Variants in MSRB3 observed in about 807,000 individuals in gnomAD.
MSRB3 encodes methionine-R-sulfoxide reductase B3.
In MSRB3, 13 loss-of-function variants were observed where a neutral mutation model predicts 21.0. That is an observed-to-expected ratio of 0.62 (90% confidence interval 0.40 to 0.98). The LOEUF (loss-of-function observed/expected upper bound fraction) is 0.98. Ranked by LOEUF, MSRB3 falls within the 50% of genes least tolerant of loss-of-function variation. The probability of loss-of-function intolerance (pLI) is 0.00; values close to 1 mark genes in which losing one functional copy is unlikely to be tolerated. For synonymous variants in MSRB3, 87 were observed against 88.6 expected, an observed-to-expected ratio of 0.98 and a Z score of 0.10; for missense variants, 199 against 230.3, an observed-to-expected ratio of 0.86 and a Z score of 0.88.
intron 2 of MSRB3, among the ~76,000 whole-genome samples, chr12:65,312,029 A>G (rs1212936820): frequency 1.3e-5 from 2 of 151,988 alleles, no homozygotes; most frequent in African/African-American, 4.8e-5. Flanking sequence ...ATTTCTTACA[A>G]CAGTTTCCTT....
chr12:65,366,493 C>T (rs1011463283), intron 4 of MSRB3, among the ~76,000 whole-genome samples: 15 of 152,128 alleles, frequency 9.9e-5, no homozygotes, highest in African/African-American at 3.1e-4. Context: ...GCAAAAGCTT[C>T]TTGCTCATCA....
intron 2 of MSRB3, among the ~76,000 whole-genome samples, chr12:65,324,125 CAA>C (rs1201106124): frequency 1.3e-5 from 2 of 152,092 alleles, no homozygotes; most frequent in Non-Finnish European, 2.9e-5. Flanking sequence ...AGTTAGGAAA[CAA>C]TATTTATACT....
chr12:65,419,559 G>A (rs1881167171), intron 5 of MSRB3: 35 of 738,048 alleles, frequency 4.7e-5, no homozygotes, highest in South Asian at 4.7e-4. Context: ...GGGCATTGTC[G>A]ATCTGCAGAA....
intron 5 of MSRB3, among the ~76,000 whole-genome samples, chr12:65,437,990 C>A (rs1460679811): frequency 6.6e-6 from 1 of 151,898 alleles, no homozygotes; most frequent in African/African-American, 2.4e-5. Context: ...GTGAGGAGGG[C>A]AGACATTGTC....
At chr12:65,284,897 C>T (rs1481192958) in intron 1 of MSRB3, 1 of 152,266 alleles carries the variant, frequency 6.6e-6, no homozygotes, top group Non-Finnish European at 1.5e-5. Flanking sequence ...ATCATTTCCC[C>T]TCTTTCCTGC....
rs1448322532 is a variant in MSRB3 at position 65,307,111 on chromosome 12, G to A, written c.-51-1418G>A. 5.6e-6 allele frequency: 5 copies of A among 890,402 alleles called. No individual in the cohort carries two copies. In the African/African-American group the frequency reaches 9.0e-5, roughly 16 times the overall value. 55.2% of individuals were successfully genotyped at this position (890,402 alleles called of 1,614,324 possible). A position where few individuals can be genotyped will look rare whatever the true frequency, so the allele number is the denominator to read the frequency against. On this transcript the variant is annotated intron_variant, in intron 1 of 6. Transcript: ENST00000308259. The stretch of plus-strand genomic sequence containing the variant: ...ACATTTTTATTTATAGTGTTGTGAG[G>A]TATAGACCTTTGATCTTTTATTAGT...
chr12:65,311,868 G>C (rs1874007870), intron 2 of MSRB3, among the ~76,000 whole-genome samples: 1 of 152,000 alleles, frequency 6.6e-6, no homozygotes, highest in Non-Finnish European at 1.5e-5. Context: ...TCCCAGAAGA[G>C]TGATCTATTA....
At chr12:65,458,817 C>T (rs1387496846) in intron 6 of MSRB3, among the ~76,000 whole-genome samples, 2 of 152,192 alleles carry the variant, frequency 1.3e-5, no homozygotes, top group Non-Finnish European at 2.9e-5. Flanking sequence ...AAAGAATTTT[C>T]CTTGATTTAA....
chr12:65,282,317 C>CAA (rs761449447), intron 1 of MSRB3, among the ~76,000 whole-genome samples: 7 of 119,222 alleles, frequency 5.9e-5, no homozygotes, highest in Non-Finnish European at 8.9e-5. Flanking sequence ...AACTCTGTCT[C>CAA]AAAAAAAAAA....
At chr12:65,459,415 C>A (rs1391149905) in intron 6 of MSRB3, among the ~76,000 whole-genome samples, 2 of 152,256 alleles carry the variant, frequency 1.3e-5, no homozygotes, top group African/African-American at 4.8e-5. Context: ...AGACTCACAG[C>A]CCATCTCTCT....
At chr12:65,393,356 G>A (rs1976273) in intron 5 of MSRB3, among the ~76,000 whole-genome samples, 98,929 of 151,994 alleles carry the variant, frequency 0.65, 32,309 homozygotes, top group Admixed American at 0.72. Context: ...AATGCTAGCC[G>A]GGTGCAGTGG....
chr12:65,326,923 A>G lies in MSRB3; in HGVS notation c.174A>G (p.Lys58=), dbSNP rs1337783160. The G allele has an allele frequency of 3.7e-6, 6 of 1,612,758 alleles. No homozygotes were observed. The East Asian group carries it at 6.7e-5, about 18-fold the overall frequency. ...TPLQYHVTQE[K]GTESAFEGEY... is the part of the protein sequence containing the mutation. ...TGCAGTACCATGTCACTCAGGAGAAAGGGACCGAAAGGTAAGGTGAGCTTT... is the reference window on the plus strand; with the variant it reads ...TGCAGTACCATGTCACTCAGGAGAAGGGGACCGAAAGGTAAGGTGAGCTTT... The change falls in exon 3 of 7, where the codon AAA becomes AAG. Residue 58 remains lysine, a synonymous_variant. Transcript: ENST00000308259.
intron 2 of MSRB3, among the ~76,000 whole-genome samples, chr12:65,312,345 A>G (rs1874038853): frequency 6.6e-6 from 1 of 152,072 alleles, no homozygotes; most frequent in Admixed American, 6.6e-5. Flanking sequence ...TTTGAACATT[A>G]GAATTCCTTG....
rs1883485874 is a variant in MSRB3, at chr12:65,464,612, C to T, written c.*1290C>T. The stretch of plus-strand genomic sequence containing the variant: ...TGCAGCTGGAAGGGCACAAATTCCA[C>T]TGTGTAAAATAAAATATTAGGGGCA... On this transcript the variant is annotated 3_prime_UTR_variant, in exon 7 of 7. Coordinates refer to ENST00000308259, the MANE Select transcript of MSRB3 (RefSeq NM_001031679.3). 6.6e-6 allele frequency: 1 copy of T among 152,266 alleles called. No homozygotes were observed. The highest frequency in any genetic ancestry group is 2.4e-5 in the African/African-American group (1 of 41,452). The allele number at this position is 152,266 out of a possible 1,614,324, so 9.4% of individuals were successfully genotyped here.
chr12:65,303,938 G>A (rs1873492709), intron 1 of MSRB3, among the ~76,000 whole-genome samples: 1 of 152,164 alleles, frequency 6.6e-6, no homozygotes, highest in African/African-American at 2.4e-5. Context: ...AGTATGGCAG[G>A]AGTGTGGGGT....
chr12:65,351,448 G>A (rs1302447851), intron 4 of MSRB3, among the ~76,000 whole-genome samples: 1 of 142,878 alleles, frequency 7.0e-6, no homozygotes, highest in Non-Finnish European at 1.5e-5. Flanking sequence ...CAGAAGGCAA[G>A]AAATAACTAA....
chr12:65,378,812 C>T (rs1298913244), intron 5 of MSRB3, among the ~76,000 whole-genome samples: 1 of 152,168 alleles, frequency 6.6e-6, no homozygotes, highest in East Asian at 1.9e-4. Context: ...GTAATTTTCA[C>T]ATGAGTGAGA....
chr12:65,439,952 A>G (rs1363578796), intron 5 of MSRB3, among the ~76,000 whole-genome samples: 5 of 151,766 alleles, frequency 3.3e-5, no homozygotes, highest in Admixed American at 1.3e-4. Context: ...CTTTCCTGAT[A>G]TAAGACCAGT....
At chr12:65,440,065 G>A (rs140287791) in intron 5 of MSRB3, among the ~76,000 whole-genome samples, 39 of 151,880 alleles carry the variant, frequency 2.6e-4, no homozygotes, top group East Asian at 2.1e-3. Flanking sequence ...TATAAACATG[G>A]TATTTCAACT....
Sources: gnomAD v4.1 joint callset for allele counts (sites outside exome capture counted in the v4.1 genomes callset) on GRCh38, gnomAD v4.1.1 for gene constraint, MANE v1.5 for transcripts, NCBI Gene and HGNC (gene_info 2026-07-23, HGNC 2026-07-21) for gene names.